CFAP44: variants seen among roughly 807,000 people sequenced by gnomAD.
The protein encoded by CFAP44 is cilia and flagella associated protein 44.
A neutral mutation model predicts 216.2 loss-of-function variants in CFAP44; 134 were observed. The ratio of observed to expected loss-of-function variants is 0.62; its 90% CI spans 0.54 to 0.72. CFAP44 has a LOEUF of 0.72. CFAP44 is among the 30% of genes least tolerant of loss of function. The pLI is 0.00. For missense variants in CFAP44, 2,035 were observed against 2,182.1 expected (o/e 0.93, Z 1.34); for synonymous variants, 700 against 727.6 (o/e 0.96, Z 0.61).
At chr3:113,406,862 T>A in intron 8 of CFAP44, 65 bp downstream of exon 8, 1 of 1,102,520 alleles carries the variant, frequency 9.1e-7, no homozygotes, top group Non-Finnish European at 1.4e-6. Context: ...TTTTCATATA[T>A]GTGTGCTTTC....
chr3:113,335,015 C>A (rs759458461), intron 24 of CFAP44, among the ~76,000 whole-genome samples: 33 of 147,794 alleles, frequency 2.2e-4, no homozygotes, highest in Non-Finnish European at 3.9e-4. Context: ...TGAAGGATTA[C>A]TATTTTTAAA....
chr3:113,315,848 G>A (rs80258420), intron 28 of CFAP44, among the ~76,000 whole-genome samples: 9,505 of 152,250 alleles, frequency 0.062, 593 homozygotes, highest in African/African-American at 0.15. Context: ...GCTAACATAA[G>A]TGTTCTGAGC....
At chr3:113,323,890 A>C (rs1445796483) in intron 28 of CFAP44, among the ~76,000 whole-genome samples, 1 of 152,072 alleles carries the variant, frequency 6.6e-6, no homozygotes, top group East Asian at 1.9e-4. Flanking sequence ...AAAAACACAA[A>C]AAAATTAGCT....
chr3:113,288,460 T>G lies in CFAP44; in HGVS notation c.*3097A>C, dbSNP rs1949796451. ...AGAGCAGGGAAGAGAAGAGAAAAAA[T>G]AAGATACTGTGATTTCAGACAACCT... On this transcript the variant is annotated 3_prime_UTR_variant, in exon 35 of 35. Transcript: ENST00000393845. The G allele has an allele frequency of 6.6e-6, 1 of 151,978 alleles. No homozygotes were observed. Among genetic ancestry groups the G allele is most frequent in the African/African-American group, 2.4e-5 (1 of 41,350 alleles). 9.4% of individuals were successfully genotyped at this position (151,978 alleles called of 1,614,324 possible).
intron 4 of CFAP44, among the ~76,000 whole-genome samples, chr3:113,424,051 A>G (rs1368302514): frequency 1.3e-5 from 2 of 152,224 alleles, no homozygotes; most frequent in African/African-American, 4.8e-5. Flanking sequence ...ATGTACAGAG[A>G]AACCTGGAGG....
chr3:113,357,744 C>T (rs182627618), intron 22 of CFAP44, among the ~76,000 whole-genome samples: 46 of 152,250 alleles, frequency 3.0e-4, no homozygotes, highest in Non-Finnish European at 5.0e-4. Flanking sequence ...AGTGTGTAAA[C>T]TGAAGAGTGT....
intron 15 of CFAP44, among the ~76,000 whole-genome samples, chr3:113,385,774 G>C (rs1274432128): frequency 6.6e-6 from 1 of 151,610 alleles, no homozygotes; most frequent in African/African-American, 2.4e-5. Context: ...CCAGTAGCTG[G>C]GACTATAGGC....
At position 113,436,470 on chromosome 3, in the gene CFAP44, A is replaced by C. The variant is rs1010311410; in HGVS notation, c.-5-2801T>G. Among the ~76,000 whole-genome samples the C allele has an allele frequency of 2.6e-5, 4 of 152,348 alleles. No individual in the cohort carries two copies. In the South Asian group the frequency reaches 8.3e-4, roughly 32 times the overall value. On this transcript the variant is annotated intron_variant, in intron 1 of 34. Coordinates refer to ENST00000393845, the MANE Select transcript of CFAP44 (RefSeq NM_001164496.2). ...AATATACAGTCCCTCACCTCAATGT[A>C]TAATTCAAGATGAAGAAATCAACAA...
chr3:113,356,155 C>T (rs12634060), intron 22 of CFAP44, among the ~76,000 whole-genome samples: 37,570 of 149,478 alleles, frequency 0.25, 4,894 homozygotes, highest in East Asian at 0.41. Flanking sequence ...ATAATAAATA[C>T]ATATAAATAT....
chr3:113,303,660 G>C (rs962334076), intron 32 of CFAP44, among the ~76,000 whole-genome samples: 7 of 152,084 alleles, frequency 4.6e-5, no homozygotes, highest in Admixed American at 4.6e-4. Flanking sequence ...GGTTATTATT[G>C]TATTATTCTA....
chr3:113,371,884 A>G (rs1385605291), intron 18 of CFAP44, among the ~76,000 whole-genome samples: 1 of 152,220 alleles, frequency 6.6e-6, no homozygotes, highest in Non-Finnish European at 1.5e-5. Flanking sequence ...TTTACAGGAA[A>G]AAAACAAATA....
At chr3:113,410,593 T>C (rs1284239471) in intron 6 of CFAP44, among the ~76,000 whole-genome samples, 1 of 152,250 alleles carries the variant, frequency 6.6e-6, no homozygotes, top group Non-Finnish European at 1.5e-5. Flanking sequence ...TTGTGAATAG[T>C]GCCACAATGA....
chr3:113,363,250 T>G lies in CFAP44; in HGVS notation c.2829A>C (p.Glu943Asp). 6.2e-7 allele frequency: 1 copy of G among 1,612,984 alleles called. No individual in the cohort carries two copies. Among genetic ancestry groups the G allele is most frequent in the East Asian group, 2.2e-5 (1 of 44,800 alleles). ...EHDKLMKEVG[E>D]IKARKREQIK... ...TTTGCTCTCTCTTCCGTGCCTTTATTTCTCCCACTTCTTTCATTAACTTGT... is the reference window on the plus strand; with the variant it reads ...TTTGCTCTCTCTTCCGTGCCTTTATGTCTCCCACTTCTTTCATTAACTTGT... The change falls in exon 21 of 35, where the codon GAA (glutamate) becomes GAC (aspartate). Residue 943 changes from glutamate (E) to aspartate (D), a missense_variant. Physicochemically the swap from Glu to Asp is conservative, Grantham distance 45. Coordinates refer to ENST00000393845, the MANE Select transcript of CFAP44 (RefSeq NM_001164496.2).
At chr3:113,306,038 AT>A (rs1295834304) in intron 30 of CFAP44, among the ~76,000 whole-genome samples, 162 bp downstream of exon 30, 1 of 152,168 alleles carries the variant, frequency 6.6e-6, no homozygotes, top group Admixed American at 6.5e-5. Flanking sequence ...CAAAAAAGCA[AT>A]GTCCCCCACC....
At position 113,288,943 on chromosome 3, in the gene CFAP44, A is replaced by T. The variant is rs902072082; in HGVS notation, c.*2614T>A. ...TGACAGTTCAGAAGAGCCAAGTTAT[A>T]TGAACAATTGACCCACAAGTAACTC... On this transcript the variant is annotated 3_prime_UTR_variant, in exon 35 of 35. Transcript: ENST00000393845. 1 of 152,204 alleles carries T rather than the reference A, an allele frequency of 6.6e-6. No individual in the cohort carries two copies. Among genetic ancestry groups the T allele is most frequent in the African/African-American group, 2.4e-5 (1 of 41,446 alleles). The allele number at this position is 152,204 out of a possible 1,614,324, so 9.4% of individuals were successfully genotyped here. A position where few individuals can be genotyped will look rare whatever the true frequency, so the allele number is the denominator to read the frequency against.
chr3:113,308,300 A>T, intron 28 of CFAP44, 32 bp from the exon 29 acceptor site: 1 of 1,464,434 alleles, frequency 6.8e-7, no homozygotes, highest in Non-Finnish European at 9.1e-7. Context: ...GTTAACAAAG[A>T]AGCTTCTATA....
chr3:113,371,212 C>T (rs142166823), intron 18 of CFAP44, among the ~76,000 whole-genome samples: 8 of 152,254 alleles, frequency 5.3e-5, no homozygotes, highest in Non-Finnish European at 8.8e-5. Flanking sequence ...ACTTTCTTCA[C>T]AGAATTGGAA....
At chr3:113,304,729 G>A (rs1055985101) in intron 31 of CFAP44, among the ~76,000 whole-genome samples, 1 of 152,140 alleles carries the variant, frequency 6.6e-6, no homozygotes, top group Non-Finnish European at 1.5e-5. Context: ...AGTGGCATGG[G>A]TATAAGAGCC....
At chr3:113,412,379 A>C (rs1008542024) in intron 6 of CFAP44, among the ~76,000 whole-genome samples, 1 of 151,742 alleles carries the variant, frequency 6.6e-6, no homozygotes, top group African/African-American at 2.4e-5. Flanking sequence ...CCCCTTTTCC[A>C]TGACAATTCC....
Sources: gnomAD v4.1 joint callset for allele counts (sites outside exome capture counted in the v4.1 genomes callset) on GRCh38, gnomAD v4.1.1 for gene constraint, MANE v1.5 for transcripts, NCBI Gene and HGNC (gene_info 2026-07-23, HGNC 2026-07-21) for gene names.